PGM5: variants seen among roughly 807,000 people sequenced by gnomAD.
PGM5 encodes phosphoglucomutase 5.
In PGM5, 23 loss-of-function variants were observed where a neutral mutation model predicts 59.2. That is an observed-to-expected ratio of 0.39 (90% CI 0.28 to 0.55). The LOEUF is 0.55. Ranked by LOEUF, PGM5 falls within the 20% of genes least tolerant of loss-of-function variation. The pLI, the probability that PGM5 is intolerant of heterozygous loss-of-function variation, is 0.66. For synonymous variants in PGM5, 214 were observed against 286.0 expected, an observed-to-expected ratio of 0.75 and a Z score of 2.54; for missense variants, 574 against 748.3, an observed-to-expected ratio of 0.77 and a Z score of 2.72.
chr9:68,494,936 T>C (rs1020914259), intron 9 of PGM5, among the ~76,000 whole-genome samples: 1 of 152,246 alleles, frequency 6.6e-6, no homozygotes, highest in Non-Finnish European at 1.5e-5. Flanking sequence ...TCTCTGAGAC[T>C]GCCTCAGGGG....
chr9:68,477,032 C>A (rs1587822860), intron 7 of PGM5, among the ~76,000 whole-genome samples: 1 of 152,138 alleles, frequency 6.6e-6, no homozygotes, highest in African/African-American at 2.4e-5. Context: ...AGTGATCCCA[C>A]TGGGCAGGGT....
chr9:68,474,458 A>G (rs1309225402), intron 7 of PGM5, among the ~76,000 whole-genome samples: 2 of 151,924 alleles, frequency 1.3e-5, no homozygotes, highest in Non-Finnish European at 2.9e-5. Context: ...TTCTTTTGTG[A>G]GGGCAATATA....
chr9:68,502,553 C>T (rs564215488), intron 10 of PGM5, among the ~76,000 whole-genome samples: 5 of 152,306 alleles, frequency 3.3e-5, no homozygotes, highest in Middle Eastern at 6.8e-3. Flanking sequence ...ATAATCAGCC[C>T]GTGGCTAATC....
rs1303186442 is a variant in PGM5 at position 68,360,036 on chromosome 9, G to T, written c.261+2648G>T. Reference sequence around the variant, plus strand: ...ATTTTTGTGTTTTTACTACTCATAGGGTTTCTCTGTGTTGCCCAGTCTAGT... The same window carrying T: ...ATTTTTGTGTTTTTACTACTCATAGTGTTTCTCTGTGTTGCCCAGTCTAGT... On this transcript the variant is annotated intron_variant, in intron 1 of 10. Coordinates refer to ENST00000396396, the MANE Select transcript of PGM5 (RefSeq NM_021965.4). Among the ~76,000 whole-genome samples, 6 of 152,034 alleles carry T rather than the reference G, an allele frequency of 3.9e-5. No homozygotes were observed. In the East Asian group the frequency reaches 1.2e-3, roughly 29 times the overall value.
Position 68,376,864 on chromosome 9 carries a change from T to C in PGM5, c.262-1335T>C, listed in dbSNP as rs1178248936. On this transcript the variant is annotated intron_variant, in intron 1 of 10. Transcript: ENST00000396396. ...CTTTCTTTCTTTCTCTTTCTTTCTT[T>C]TTTCTTTCTCTTTCTTTCTTTTTTT... 2.4e-3 allele frequency among the ~76,000 whole-genome samples: 277 copies of C among 115,248 alleles called. 24 individuals carry two copies. The highest frequency in any genetic ancestry group is 9.3e-3 in the African/African-American group (267 of 28,700). 75.6% of individuals were successfully genotyped at this position (115,248 alleles called of 152,430 possible). A position where few individuals can be genotyped will look rare whatever the true frequency, so the allele number is the denominator to read the frequency against.
At position 68,423,008 on chromosome 9, in the gene PGM5, A is replaced by T. The variant is rs571615600; in HGVS notation, c.1043+30535A>T. ...CCCATTCCTGAATTACTTCACTTAGAGTAATAGTCTCCAGTCTCATCCAGG... is the reference window on the plus strand; with the variant it reads ...CCCATTCCTGAATTACTTCACTTAGTGTAATAGTCTCCAGTCTCATCCAGG... On this transcript the variant is annotated intron_variant, in intron 6 of 10. Transcript: ENST00000396396. Among the ~76,000 whole-genome samples, 3 of 152,292 alleles carry T rather than the reference A, an allele frequency of 2.0e-5. No homozygotes were observed. The South Asian group carries it at 6.2e-4, about 32-fold the overall frequency.
At chr9:68,413,513 A>T (rs1822971303) in intron 6 of PGM5, among the ~76,000 whole-genome samples, 1 of 152,228 alleles carries the variant, frequency 6.6e-6, no homozygotes, top group Non-Finnish European at 1.5e-5. Flanking sequence ...CTTACCTAGA[A>T]TTAATTAAAG....
intron 10 of PGM5, among the ~76,000 whole-genome samples, chr9:68,507,781 C>G (rs1407051813): frequency 3.3e-5 from 5 of 152,094 alleles, no homozygotes; most frequent in Non-Finnish European, 7.4e-5. Context: ...TCTGGAAAGG[C>G]AGACAAAACG....
chr9:68,407,920 C>T (rs1211617448), intron 6 of PGM5, among the ~76,000 whole-genome samples: 10 of 152,288 alleles, frequency 6.6e-5, no homozygotes, highest in Non-Finnish European at 1.0e-4. Flanking sequence ...AATATAACAC[C>T]GGCTACTTTC....
chr9:68,366,719 G>A (rs1226482812), intron 1 of PGM5, among the ~76,000 whole-genome samples: 4 of 152,084 alleles, frequency 2.6e-5, no homozygotes, highest in Non-Finnish European at 4.4e-5. Flanking sequence ...TGGGGAAGTC[G>A]CCTAGCCTCC....
At chr9:68,383,629 A>G (rs1354264624) in intron 2 of PGM5, among the ~76,000 whole-genome samples, 1 of 151,428 alleles carries the variant, frequency 6.6e-6, no homozygotes, top group African/African-American at 2.4e-5. Context: ...AAAGCTATCT[A>G]TACATCTAGC....
chr9:68,520,969 A>G (rs1210740900), intron 10 of PGM5, among the ~76,000 whole-genome samples: 1 of 152,252 alleles, frequency 6.6e-6, no homozygotes, highest in African/African-American at 2.4e-5. Flanking sequence ...GTGCCTAGAA[A>G]CAGGGAAACT....
At chr9:68,502,199 T>A (rs1357816518) in intron 10 of PGM5, among the ~76,000 whole-genome samples, 1 of 152,226 alleles carries the variant, frequency 6.6e-6, no homozygotes, top group Non-Finnish European at 1.5e-5. Flanking sequence ...AAGGAAAGCT[T>A]CCAAAGGCTT....
chr9:68,473,888 C>A (rs573081189), intron 7 of PGM5, among the ~76,000 whole-genome samples: 1 of 152,164 alleles, frequency 6.6e-6, no homozygotes, highest in Non-Finnish European at 1.5e-5. Flanking sequence ...GTGAGAACCC[C>A]CCCATGTGAG....
chr9:68,408,401 A>G (rs1554681318), intron 6 of PGM5, among the ~76,000 whole-genome samples: 3 of 152,068 alleles, frequency 2.0e-5, no homozygotes, highest in Admixed American at 6.6e-5. Flanking sequence ...CATGTCCTTC[A>G]CCCACTTTTT....
chr9:68,516,676 GC>G (rs765498749), intron 10 of PGM5, among the ~76,000 whole-genome samples: 1 of 152,106 alleles, frequency 6.6e-6, no homozygotes, highest in Non-Finnish European at 1.5e-5. Flanking sequence ...AGGGGGAAGA[GC>G]ACACACTCTC....
chr9:68,381,555 C>T (rs1477763451), intron 2 of PGM5, among the ~76,000 whole-genome samples: 1 of 151,330 alleles, frequency 6.6e-6, no homozygotes, highest in Non-Finnish European at 1.5e-5. Flanking sequence ...TAAAAGTCAT[C>T]CAAATTGGAA....
intron 2 of PGM5, among the ~76,000 whole-genome samples, chr9:68,383,212 G>T (rs750856120): frequency 8.6e-5 from 13 of 151,850 alleles, no homozygotes; most frequent in Non-Finnish European, 1.8e-4. Context: ...TACGGTGATG[G>T]TGCTACACTC....
At chr9:68,406,904 C>T (rs1290202090) in intron 6 of PGM5, among the ~76,000 whole-genome samples, 1 of 150,880 alleles carries the variant, frequency 6.6e-6, no homozygotes, top group Non-Finnish European at 1.5e-5. Context: ...GTGCTCAGGC[C>T]CCGTCTTCCA....
Sources: allele counts gnomAD v4.1 joint callset (sites outside exome capture counted in the v4.1 genomes callset), GRCh38; gene constraint gnomAD v4.1.1; transcripts MANE v1.5; gene names NCBI Gene and HGNC (gene_info 2026-07-23, HGNC 2026-07-21).